The following SMOC1 variants were observed in gnomAD, a reference collection of about 807,000 sequenced individuals.
SMOC1 encodes SPARC related modular calcium binding 1, also known as SPARC-related modular calcium-binding protein 1.
SMOC1 carries 22 observed loss-of-function variants against 56.3 expected under a neutral mutation model. The ratio of observed to expected loss-of-function variants is 0.39; its 90% confidence interval spans 0.28 to 0.56. The LOEUF (loss-of-function observed/expected upper bound fraction) is 0.56. SMOC1 is among the 20% of genes least tolerant of loss of function. The probability of loss-of-function intolerance (pLI) is 0.61; values close to 1 mark genes in which losing one functional copy is unlikely to be tolerated. For synonymous variants in SMOC1, 193 were observed against 215.0 expected, an observed-to-expected ratio of 0.90 and a Z score of 0.89; for missense variants, 509 against 565.4, an observed-to-expected ratio of 0.90 and a Z score of 1.01.
chr14:69,953,166 G>A (rs1883065659), intron 2 of SMOC1, among the ~76,000 whole-genome samples: 1 of 152,078 alleles, frequency 6.6e-6, no homozygotes, highest in Non-Finnish European at 1.5e-5. Context: ...TTTCTATGGG[G>A]CCAGGGTAGA....
intron 1 of SMOC1, among the ~76,000 whole-genome samples, chr14:69,884,985 T>C (rs1264385214): frequency 6.6e-6 from 1 of 152,220 alleles, no homozygotes. Flanking sequence ...TTAGTATTTT[T>C]ATAGGGATTG....
intron 3 of SMOC1, among the ~76,000 whole-genome samples, chr14:69,955,948 T>G (rs901247992): frequency 6.6e-6 from 1 of 152,118 alleles, no homozygotes; most frequent in Non-Finnish European, 1.5e-5. Flanking sequence ...TCTCCAGGCT[T>G]GTGTGATCCT....
intron 5 of SMOC1, among the ~76,000 whole-genome samples, chr14:69,984,056 C>A (rs1227517808): frequency 1.3e-5 from 2 of 152,150 alleles, no homozygotes; most frequent in Non-Finnish European, 2.9e-5. Flanking sequence ...TGGGAGGAAC[C>A]ATTTTATCTG....
At chr14:69,896,136 A>G (rs571723392) in intron 1 of SMOC1, among the ~76,000 whole-genome samples, 1 of 152,280 alleles carries the variant, frequency 6.6e-6, no homozygotes, top group South Asian at 2.1e-4. Context: ...GATCCAGTGT[A>G]CTTGGTCCCC....
chr14:70,002,220 T>C (rs545658690), intron 7 of SMOC1, among the ~76,000 whole-genome samples: 1 of 152,334 alleles, frequency 6.6e-6, no homozygotes, highest in African/African-American at 2.4e-5. Flanking sequence ...TAGGTTACAA[T>C]TGAGGGATGA....
intron 1 of SMOC1, among the ~76,000 whole-genome samples, chr14:69,907,467 G>A (rs955418143): frequency 6.6e-6 from 1 of 152,170 alleles, no homozygotes; most frequent in Admixed American, 6.5e-5. Context: ...ATTGATCCTA[G>A]TTCTCCCTTT....
chr14:70,026,156 T>G (rs1885916266), intron 11 of SMOC1, among the ~76,000 whole-genome samples: 1 of 152,242 alleles, frequency 6.6e-6, no homozygotes, highest in Non-Finnish European at 1.5e-5. Flanking sequence ...GGTGACATTA[T>G]GCTCTGACAC....
chr14:69,967,875 A>G (rs1159405668), intron 3 of SMOC1, among the ~76,000 whole-genome samples: 5 of 152,172 alleles, frequency 3.3e-5, no homozygotes, highest in African/African-American at 1.2e-4. Flanking sequence ...AAAGATGAGG[A>G]GAAGATGTGT....
chr14:69,883,734 T>C (rs929033421), intron 1 of SMOC1, among the ~76,000 whole-genome samples: 1 of 152,206 alleles, frequency 6.6e-6, no homozygotes, highest in Non-Finnish European at 1.5e-5. Context: ...TACTAATTTA[T>C]GTTCCCACCA....
At chr14:69,947,827 G>A (rs1882845014) in intron 1 of SMOC1, among the ~76,000 whole-genome samples, 1 of 152,232 alleles carries the variant, frequency 6.6e-6, no homozygotes, top group Non-Finnish European at 1.5e-5. Flanking sequence ...GTTTGTGGCT[G>A]CTGTACTGGA....
At chr14:69,947,781 C>T (rs1448579189) in intron 1 of SMOC1, among the ~76,000 whole-genome samples, 1 of 152,188 alleles carries the variant, frequency 6.6e-6, no homozygotes, top group Non-Finnish European at 1.5e-5. Context: ...TTCCCAGTTG[C>T]ACTAGCTACA....
At chr14:69,925,804 G>T (rs1329123475) in intron 1 of SMOC1, among the ~76,000 whole-genome samples, 1 of 152,230 alleles carries the variant, frequency 6.6e-6, no homozygotes, top group Non-Finnish European at 1.5e-5. Context: ...CAAGTTCATT[G>T]TAGGTTAGAG....
At chr14:70,016,977 C>T (rs926540862) in intron 10 of SMOC1, among the ~76,000 whole-genome samples, 2 of 152,190 alleles carry the variant, frequency 1.3e-5, no homozygotes, top group African/African-American at 4.8e-5. Context: ...ATCTGTCTCC[C>T]TAAACCCAAG....
intron 1 of SMOC1, among the ~76,000 whole-genome samples, chr14:69,946,850 C>T (rs1463290593): frequency 3.3e-5 from 5 of 152,152 alleles, no homozygotes; most frequent in Admixed American, 3.3e-4. Flanking sequence ...TTGGTGCTGT[C>T]CTTGCAATAG....
chr14:69,965,399 A>AATAATAATAATC (rs1212605422), intron 3 of SMOC1, among the ~76,000 whole-genome samples: 3 of 150,868 alleles, frequency 2.0e-5, no homozygotes, highest in African/African-American at 7.3e-5. Flanking sequence ...TAATAATAAT[A>AATAATAATAATC]ATAATAAAAA....
At chr14:70,006,853 G>C (rs1341750707) in intron 7 of SMOC1, among the ~76,000 whole-genome samples, 1 of 152,256 alleles carries the variant, frequency 6.6e-6, no homozygotes, top group Middle Eastern at 3.4e-3. Flanking sequence ...CAGCTTCCTT[G>C]TGATGATCTT....
intron 1 of SMOC1, among the ~76,000 whole-genome samples, chr14:69,897,062 G>T (rs1246658802): frequency 6.6e-6 from 1 of 152,202 alleles, no homozygotes. Flanking sequence ...GGTCAGGCTA[G>T]TGACTGTTCG....
intron 3 of SMOC1, among the ~76,000 whole-genome samples, chr14:69,971,454 G>C (rs1466797829): frequency 6.6e-6 from 1 of 152,186 alleles, no homozygotes; most frequent in African/African-American, 2.4e-5. Flanking sequence ...AGGATGCTTC[G>C]GAGTGGGATA....
At chr14:70,027,942 G>C (rs1213699156) in intron 11 of SMOC1, among the ~76,000 whole-genome samples, 1 of 152,194 alleles carries the variant, frequency 6.6e-6, no homozygotes, top group Non-Finnish European at 1.5e-5. Context: ...GGTGTGCAGG[G>C]GCTCCGGGAG....
Sources: gnomAD v4.1 joint callset for allele counts (sites outside exome capture counted in the v4.1 genomes callset) on GRCh38, gnomAD v4.1.1 for gene constraint, MANE v1.5 for transcripts, NCBI Gene and HGNC (gene_info 2026-07-23, HGNC 2026-07-21) for gene names.